Variants in PANK2 observed in about 807,000 individuals in gnomAD.
PANK2 encodes pantothenate kinase 2.
PANK2 carries 36 observed loss-of-function variants against 43.1 expected under a neutral mutation model. The observed-to-expected ratio is 0.84, with a 90% CI of 0.64 to 1.10. The LOEUF is 1.10. Among genes scored for constraint, PANK2 ranks in the 50% least tolerant of loss-of-function variants. The pLI, the probability that PANK2 is intolerant of heterozygous loss-of-function variation, is 0.00. For missense variants in PANK2, 576 were observed against 593.3 expected (o/e 0.97, Z 0.30); for synonymous variants, 281 against 238.2 (o/e 1.18, Z -1.66).
chr20:3,889,429 C>A lies in PANK2; in HGVS notation c.-2C>A. The A allele has an allele frequency of 6.4e-7, 1 of 1,564,630 alleles. No individual in the cohort carries two copies. On this transcript the variant is annotated 5_prime_UTR_variant, in exon 1 of 7. Transcript: ENST00000610179. ...GCGGAGGAGGCGAGAAGGAATCCGA[C>A]GCTGGGGGGCTTGCTCGGGCGGCAG...
Position 3,918,898 on chromosome 20 carries a change from G to A in PANK2, c.1332+102G>A. The stretch of plus-strand genomic sequence containing the variant: ...GAGGGTGGAGGTGAAATGGGCTGCA[G>A]TGTTTCTTTTGTTTTTTGTTTTTTT... On this transcript the variant is annotated intron_variant, in intron 6 of 6. Coordinates refer to ENST00000610179, the MANE Select transcript of PANK2 (RefSeq NM_001386393.1). 1.9e-6 allele frequency: 3 copies of A among 1,583,552 alleles called. No individual in the cohort carries two copies. The South Asian group carries it at 3.3e-5, about 18-fold the overall frequency.
At position 3,889,500 on chromosome 20, in the gene PANK2, G is replaced by C; in HGVS notation, c.70G>C (p.Glu24Gln). ...AGGGGGCCGGCTCGGCGCGCCCATGGAGCGCCACGGCAGGGCTTCCGCCAC... is the reference window on the plus strand; with the variant it reads ...AGGGGGCCGGCTCGGCGCGCCCATGCAGCGCCACGGCAGGGCTTCCGCCAC... The change falls in exon 1 of 7, where the codon GAG (glutamate) becomes CAG (glutamine). Residue 24 changes from glutamate to glutamine, a missense_variant. By Grantham distance (29) the Glu-to-Gln change is conservative. Coordinates refer to ENST00000610179, the MANE Select transcript of PANK2 (RefSeq NM_001386393.1). The C allele has an allele frequency of 6.8e-7, 1 of 1,466,610 alleles. No homozygotes were observed. Among genetic ancestry groups the C allele is most frequent in the Non-Finnish European group, 8.9e-7 (1 of 1,119,152 alleles). The allele number at this position is 1,466,610 out of a possible 1,614,324, so 90.8% of individuals were successfully genotyped here.
At chr20:3,890,709 A>G (rs758581244) in intron 1 of PANK2, among the ~76,000 whole-genome samples, 11 of 152,180 alleles carry the variant, frequency 7.2e-5, no homozygotes, top group Non-Finnish European at 1.0e-4. Flanking sequence ...TTTTTATTGA[A>G]TAGTCTTCTA....
At chr20:3,898,484 G>A (rs1467780376) in intron 1 of PANK2, among the ~76,000 whole-genome samples, 1 of 152,112 alleles carries the variant, frequency 6.6e-6, no homozygotes, top group Non-Finnish European at 1.5e-5. Flanking sequence ...ATAGGCATGA[G>A]CTGCCTCGCC....
Position 3,889,548 on chromosome 20 carries a change from C to A in PANK2, c.118C>A (p.Gln40Lys), listed in dbSNP as rs1421161193. The A allele has an allele frequency of 4.2e-6, 6 of 1,421,692 alleles. No homozygotes were observed. The highest frequency in any genetic ancestry group is 5.5e-6 in the Non-Finnish European group (6 of 1,099,040). 88.1% of individuals were successfully genotyped at this position (1,421,692 alleles called of 1,614,324 possible). A position where few individuals can be genotyped will look rare whatever the true frequency, so the allele number is the denominator to read the frequency against. The change falls in exon 1 of 7, where the codon CAG becomes AAG. Residue 40 changes from glutamine to lysine, a missense_variant. Transcript: ENST00000610179. ...CACCTCCGTCTCGTCGGCTGGGGAG[C>A]AGGCGGCCGGGGACCCCGAAGGGCG...
At chr20:3,923,112 C>A (rs541794910) in intron 6 of PANK2, 132 bp from the exon 7 acceptor site, 2 of 1,056,124 alleles carry the variant, frequency 1.9e-6, no homozygotes, top group Admixed American at 1.7e-5. Context: ...TGGCCTTGGC[C>A]CTTCTGGGGT....
Position 3,923,972 on chromosome 20 carries a change from T to TG in PANK2, c.*680dup, listed in dbSNP as rs1416843230. 6.5e-6 allele frequency: 1 copy of TG among 152,892 alleles called. No individual in the cohort carries two copies. Among genetic ancestry groups the TG allele is most frequent in the Non-Finnish European group, 1.5e-5 (1 of 68,534 alleles). The allele number at this position is 152,892 out of a possible 1,614,324, so 9.5% of individuals were successfully genotyped here. A position where few individuals can be genotyped will look rare whatever the true frequency, so the allele number is the denominator to read the frequency against. ...ACTGTTCTGATGCAAGTGGGTACAC[T>TG]GGCAGAAGCAGCACAATCTGGAGGA... On this transcript the variant is annotated 3_prime_UTR_variant, in exon 7 of 7. Coordinates refer to ENST00000610179, the MANE Select transcript of PANK2 (RefSeq NM_001386393.1).
upstream of PANK2, chr20:3,889,376 G>A (rs142832849): frequency 7.1e-3 from 11,137 of 1,575,564 alleles, 78 homozygotes; most frequent in Non-Finnish European, 8.8e-3. Flanking sequence ...GCCGGCCGAG[G>A]GCGCGCCTCT....
intron 3 of PANK2, 114 bp from the exon 4 acceptor site, chr20:3,912,344 C>T: frequency 8.9e-7 from 1 of 1,117,966 alleles, no homozygotes; most frequent in Non-Finnish European, 1.3e-6. Flanking sequence ...CTACCAGTGG[C>T]ATTTGCATGA....
At chr20:3,910,156 C>G (rs2090445451) in intron 2 of PANK2, among the ~76,000 whole-genome samples, 1 of 152,220 alleles carries the variant, frequency 6.6e-6, no homozygotes, top group Admixed American at 6.5e-5. Context: ...TTGAGATGGT[C>G]CTCTGTCACA....
At chr20:3,902,179 T>C (rs919158797) in intron 1 of PANK2, among the ~76,000 whole-genome samples, 2 of 150,738 alleles carry the variant, frequency 1.3e-5, no homozygotes, top group Non-Finnish European at 3.0e-5. Flanking sequence ...TTTTTTTTTT[T>C]AGTTAGAGAC....
At chr20:3,906,623 A>G (rs2090389969) in intron 1 of PANK2, among the ~76,000 whole-genome samples, 1 of 152,156 alleles carries the variant, frequency 6.6e-6, no homozygotes, top group Non-Finnish European at 1.5e-5. Flanking sequence ...TAAAATGTCG[A>G]ATATCTTGTA....
In PANK2 at chr20:3,896,066, C is replaced by CT. The variant is rs1397169940; in HGVS notation, c.298+6351dup. 9.5e-3 allele frequency among the ~76,000 whole-genome samples: 1,352 copies of CT among 142,170 alleles called. 11 individuals carry two copies. The highest frequency in any genetic ancestry group is 0.029 in the Middle Eastern group (8 of 276). 93.3% of individuals were successfully genotyped at this position (142,170 alleles called of 152,430 possible). A position where few individuals can be genotyped will look rare whatever the true frequency, so the allele number is the denominator to read the frequency against. ...ACTTTTAAAAGTAAACTGTGTGTTT[C>CT]TTTTTTTTTTTTTGAGACGGAGTCT... On this transcript the variant is annotated intron_variant, in intron 1 of 6. Transcript: ENST00000610179.
intron 6 of PANK2, chr20:3,921,375 C>T (rs921655975): frequency 6.6e-6 from 1 of 152,192 alleles, no homozygotes; most frequent in South Asian, 2.1e-4. Context: ...TATAGATTCT[C>T]TCAAGCGTTT....
At chr20:3,918,590 C>T in intron 5 of PANK2, 81 bp from the exon 6 acceptor site, 1 of 1,577,026 alleles carries the variant, frequency 6.3e-7, no homozygotes, top group Non-Finnish European at 8.7e-7. Flanking sequence ...GAGCTATGCA[C>T]ATGGTGCTGT....
chr20:3,913,933 T>C (rs545831796), intron 4 of PANK2, among the ~76,000 whole-genome samples: 57 of 151,770 alleles, frequency 3.8e-4, no homozygotes, highest in Non-Finnish European at 5.6e-4. Context: ...GGACTACAGG[T>C]GCCTGCCACC....
intron 1 of PANK2, among the ~76,000 whole-genome samples, chr20:3,902,915 C>T (rs1241904808): frequency 6.6e-6 from 1 of 150,938 alleles, no homozygotes; most frequent in Non-Finnish European, 1.5e-5. Context: ...AATTTACATA[C>T]AATAAACTGC....
intron 2 of PANK2, among the ~76,000 whole-genome samples, chr20:3,909,173 C>T (rs1026622444): frequency 3.3e-5 from 5 of 152,168 alleles, no homozygotes; most frequent in Non-Finnish European, 5.9e-5. Context: ...CTCCACCTCT[C>T]GGGTTCAAGC....
intron 5 of PANK2, chr20:3,917,359 A>T (rs2090578391): frequency 2.0e-6 from 1 of 490,390 alleles, no homozygotes; most frequent in South Asian, 1.5e-5. Context: ...ACGATGCTGA[A>T]TGTAGACTCC....
Sources: gnomAD v4.1 joint callset for allele counts (sites outside exome capture counted in the v4.1 genomes callset) on GRCh38, gnomAD v4.1.1 for gene constraint, MANE v1.5 for transcripts, NCBI Gene and HGNC (gene_info 2026-07-23, HGNC 2026-07-21) for gene names.